GTF2H3: variants seen among roughly 807,000 people sequenced by gnomAD.
GTF2H3 encodes the protein TFIIH basal transcription factor complex p34 subunit.
In GTF2H3, 42 loss-of-function variants were observed where a neutral mutation model predicts 51.1. The observed-to-expected ratio is 0.82, with a 90% confidence interval of 0.64 to 1.06. GTF2H3 has a LOEUF of 1.06. Among genes scored for constraint, GTF2H3 ranks in the 50% least tolerant of loss-of-function variants. GTF2H3 has a pLI of 0.00. For synonymous variants in GTF2H3, 123 were observed against 123.8 expected, an observed-to-expected ratio of 0.99 and a Z score of 0.04; for missense variants, 326 against 366.1, an observed-to-expected ratio of 0.89 and a Z score of 0.89.
intron 2 of GTF2H3, among the ~76,000 whole-genome samples, chr12:123,643,165 A>G (rs1955402087): frequency 6.6e-6 from 1 of 152,198 alleles, no homozygotes; most frequent in Admixed American, 6.6e-5. Context: ...GGTGTGAGCT[A>G]CTACGCCCGG....
At position 123,639,469 on chromosome 12, in the gene GTF2H3, G is replaced by A. The variant is rs1955336666; in HGVS notation, c.93+126G>A. ...TAATATTCAGCCACTGTACAATTCA[G>A]TGATTTTTTTTAAGTAAATTTGCGA... is the stretch of plus-strand genomic sequence containing the variant. On this transcript the variant is annotated intron_variant, in intron 2 of 12. Coordinates refer to ENST00000543341, the MANE Select transcript of GTF2H3 (RefSeq NM_001516.5). 9.1e-6 allele frequency: 5 copies of A among 550,754 alleles called. No individual in the cohort carries two copies. The South Asian group carries it at 1.4e-4, about 15-fold the overall frequency. The allele number at this position is 550,754 out of a possible 1,614,324, so 34.1% of individuals were successfully genotyped here.
chr12:123,639,879 T>G, intron 2 of GTF2H3: 1 of 409,964 alleles, frequency 2.4e-6, no homozygotes, highest in Non-Finnish European at 4.9e-6. Context: ...ATGTGCTCAC[T>G]TGTGTGTATG....
Position 123,636,831 on chromosome 12 carries a change from C to T in GTF2H3, c.14-2433C>T, listed in dbSNP as rs551557965. ...ACTCAGGAGGCTGAGGCAGGAGAATCGCTTGATCCCGGGAGGCGGAGGTTG... is the reference window on the plus strand; with the variant it reads ...ACTCAGGAGGCTGAGGCAGGAGAATTGCTTGATCCCGGGAGGCGGAGGTTG... On this transcript the variant is annotated intron_variant, in intron 1 of 12. Coordinates refer to ENST00000543341, the MANE Select transcript of GTF2H3 (RefSeq NM_001516.5). Among the ~76,000 whole-genome samples the T allele has an allele frequency of 1.8e-4, 27 of 152,214 alleles. 1 individual carries two copies. In the East Asian group the frequency reaches 5.2e-3, roughly 29 times the overall value.
chr12:123,647,879 G>C, intron 3 of GTF2H3, 84 bp from the exon 4 acceptor site: 1 of 833,760 alleles, frequency 1.2e-6, no homozygotes, highest in Non-Finnish European at 1.8e-6. Context: ...TTTGTTTGTT[G>C]CCTCTGCTGA....
chr12:123,646,873 T>C (rs982956723), intron 3 of GTF2H3, among the ~76,000 whole-genome samples: 1 of 150,980 alleles, frequency 6.6e-6, no homozygotes, highest in Admixed American at 6.6e-5. Context: ...AGGCCATGGC[T>C]GGGTGCGGTG....
chr12:123,655,079 GTA>G, intron 8 of GTF2H3, 81 bp downstream of exon 8: 1 of 1,023,958 alleles, frequency 9.8e-7, no homozygotes, highest in South Asian at 1.3e-5. Context: ...CTACTCTGAG[GTA>G]TTCTGACTAC....
chr12:123,651,148 C>T, intron 5 of GTF2H3, 92 bp downstream of exon 5: 1 of 870,914 alleles, frequency 1.1e-6, no homozygotes, highest in South Asian at 1.4e-5. Flanking sequence ...GTGCCCATTA[C>T]TGGGACATGT....
rs532694255 is a variant in GTF2H3, at chr12:123,644,352, C to A, written c.94-1103C>A. ...TGAGCTCGAGGAAAGAAGGGATATT[C>A]TTTATTTGTTTTTTCAAACTTTAAA... is the stretch of plus-strand genomic sequence containing the variant. On this transcript the variant is annotated intron_variant, in intron 2 of 12. Coordinates refer to ENST00000543341, the MANE Select transcript of GTF2H3 (RefSeq NM_001516.5). Among the ~76,000 whole-genome samples, 3 of 151,644 alleles carry A rather than the reference C, an allele frequency of 2.0e-5. No individual in the cohort carries two copies. The East Asian group carries it at 5.9e-4, about 30-fold the overall frequency.
intron 1 of GTF2H3, among the ~76,000 whole-genome samples, chr12:123,636,621 A>T (rs1955287613): frequency 1.3e-5 from 2 of 152,242 alleles, no homozygotes; most frequent in Admixed American, 6.5e-5. Context: ...ACAAAAATTT[A>T]AAAATTAGCC....
chr12:123,660,139 A>C, intron 12 of GTF2H3, 27 bp from the exon 13 acceptor site: 2 of 1,607,998 alleles, frequency 1.2e-6, no homozygotes, highest in Non-Finnish European at 1.7e-6. Flanking sequence ...AGAACATTAA[A>C]AAATGTTTTC....
At chr12:123,638,187 C>T (rs1216987663) in intron 1 of GTF2H3, among the ~76,000 whole-genome samples, 1 of 151,436 alleles carries the variant, frequency 6.6e-6, no homozygotes, top group Admixed American at 6.6e-5. Context: ...GAGATGAAGT[C>T]TTGCTCTGTT....
intron 8 of GTF2H3, 135 bp downstream of exon 8, chr12:123,655,133 G>GTTCTA: frequency 1.4e-6 from 1 of 692,344 alleles, no homozygotes. Flanking sequence ...TCTGTATTAT[G>GTTCTA]TTCTAGTCTT....
intron 1 of GTF2H3, among the ~76,000 whole-genome samples, chr12:123,634,099 G>A (rs1955235744): frequency 6.6e-6 from 1 of 152,206 alleles, no homozygotes; most frequent in Non-Finnish European, 1.5e-5. Flanking sequence ...AGGGGCCTTA[G>A]TGGAGGTTAC....
Position 123,659,603 on chromosome 12 carries a change from C to T in GTF2H3, c.684+19C>T, listed in dbSNP as rs11573002. The T allele has an allele frequency of 0.024, 38,165 of 1,609,250 alleles. 774 individuals are homozygous for T. The highest frequency in any genetic ancestry group is 0.09 in the African/African-American group (6,702 of 74,772). ...TTTGCTGGTAAGGAGACAGCAGCGG[C>T]GACCCTGATGCCTGGAGGGAAGGAT... On this transcript the variant is annotated intron_variant, in intron 10 of 12. Coordinates refer to ENST00000543341, the MANE Select transcript of GTF2H3 (RefSeq NM_001516.5).
Position 123,645,568 on chromosome 12 carries a change from C to T in GTF2H3, c.200+7C>T. On this transcript the variant is annotated splice_region_variant and intron_variant, in intron 3 of 12. Coordinates refer to ENST00000543341, the MANE Select transcript of GTF2H3 (RefSeq NM_001516.5). The stretch of plus-strand genomic sequence containing the variant: ...CAAGTCACATTCAAGAAAGGTATGA[C>T]CATTGTGATTGCTTTTGCTCTTCAG... 7.0e-7 allele frequency: 1 copy of T among 1,434,804 alleles called. No homozygotes were observed. Among genetic ancestry groups the T allele is most frequent in the Non-Finnish European group, 9.8e-7 (1 of 1,016,596 alleles). The allele number at this position is 1,434,804 out of a possible 1,614,324, so 88.9% of individuals were successfully genotyped here.
chr12:123,654,739 G>A (rs944314671), intron 7 of GTF2H3, among the ~76,000 whole-genome samples, 185 bp from the exon 8 acceptor site: 1 of 152,116 alleles, frequency 6.6e-6, no homozygotes, highest in African/African-American at 2.4e-5. Context: ...TCATCAAACC[G>A]TTACGTGGAG....
chr12:123,645,684 G>A (rs547857880), intron 3 of GTF2H3, 123 bp downstream of exon 3: 2 of 612,508 alleles, frequency 3.3e-6, no homozygotes, highest in African/African-American at 1.8e-5. Flanking sequence ...CCAGTGAACA[G>A]CCACAGCACC....
Position 123,660,885 on chromosome 12 carries a change from G to A in GTF2H3, c.*650G>A, listed in dbSNP as rs2135804288. ...AGCAAATTTTCTTCAAAATAGTTGTGGGAAGAGCTTATATGTGAAAGCTTA... is the reference window on the plus strand; with the variant it reads ...AGCAAATTTTCTTCAAAATAGTTGTAGGAAGAGCTTATATGTGAAAGCTTA... On this transcript the variant is annotated 3_prime_UTR_variant, in exon 13 of 13. Coordinates refer to ENST00000543341, the MANE Select transcript of GTF2H3 (RefSeq NM_001516.5). 1 of 152,272 alleles carries A rather than the reference G, an allele frequency of 6.6e-6. No homozygotes were observed. Among genetic ancestry groups the A allele is most frequent in the Non-Finnish European group, 1.5e-5 (1 of 68,030 alleles). The allele number at this position is 152,272 out of a possible 1,614,324, so 9.4% of individuals were successfully genotyped here.
chr12:123,651,585 C>T (rs1043201915), intron 5 of GTF2H3, among the ~76,000 whole-genome samples: 11 of 151,528 alleles, frequency 7.3e-5, no homozygotes, highest in African/African-American at 9.7e-5. Context: ...TTTGGGAGGC[C>T]GAGGCAGGCG....
Sources: allele counts gnomAD v4.1 joint callset (sites outside exome capture counted in the v4.1 genomes callset), GRCh38; gene constraint gnomAD v4.1.1; transcripts MANE v1.5; gene names NCBI Gene and HGNC (gene_info 2026-07-23, HGNC 2026-07-21).